CCDC85C: variants seen among roughly 807,000 people sequenced by gnomAD.
The protein encoded by CCDC85C is coiled-coil domain containing 85C.
Under a neutral mutation model 38.3 loss-of-function variants are expected in CCDC85C, and 18 were observed. The observed-to-expected ratio is 0.47, with a 90% CI of 0.33 to 0.70. The LOEUF (loss-of-function observed/expected upper bound fraction) is 0.70, where lower values mean the gene tolerates loss of function less well. CCDC85C is among the 30% of genes least tolerant of loss of function. The pLI is 0.03. For missense variants in CCDC85C, 566 were observed against 621.2 expected, an observed-to-expected ratio of 0.91 and a Z score of 0.94; for synonymous variants, 264 against 293.8, an observed-to-expected ratio of 0.90 and a Z score of 1.04.
chr14:99,571,399 T>A (rs1011827064), intron 1 of CCDC85C, among the ~76,000 whole-genome samples: 6 of 152,020 alleles, frequency 3.9e-5, no homozygotes, highest in African/African-American at 1.5e-4. Context: ...ACCCCCCAGC[T>A]CCAGCTGCTG....
At chr14:99,546,211 G>C (rs1172188432) in intron 1 of CCDC85C, among the ~76,000 whole-genome samples, 1 of 151,992 alleles carries the variant, frequency 6.6e-6, no homozygotes, top group Non-Finnish European at 1.5e-5. Flanking sequence ...CGAGTGCCAG[G>C]CTCTGTGGGA....
chr14:99,539,469 CAAA>C (rs5810957), intron 1 of CCDC85C, among the ~76,000 whole-genome samples: 21 of 108,470 alleles, frequency 1.9e-4, no homozygotes, highest in Admixed American at 3.0e-4. Context: ...GACTCCATCT[CAAA>C]AAAAAAAAAA....
chr14:99,599,167 G>A (rs112141514), intron 1 of CCDC85C, among the ~76,000 whole-genome samples: 43 of 152,174 alleles, frequency 2.8e-4, no homozygotes, highest in African/African-American at 9.9e-4. Flanking sequence ...AGACCACCCC[G>A]TTCCATCCTC....
intron 1 of CCDC85C, among the ~76,000 whole-genome samples, chr14:99,601,622 C>T (rs1346004270): frequency 4.6e-5 from 7 of 152,154 alleles, no homozygotes; most frequent in Non-Finnish European, 7.4e-5. Flanking sequence ...TAACTGACCC[C>T]TCAAAAGCCC....
Position 99,510,310 on chromosome 14 carries a change from C to A in CCDC85C, c.*4936G>T. ...CTGCCACACCGGCCCCCGCCCCCAC[C>A]CCCCTCCAGCTACATGACCGGGATG... is the stretch of plus-strand genomic sequence containing the variant. On this transcript the variant is annotated 3_prime_UTR_variant, in exon 6 of 6. Transcript: ENST00000380243. The A allele has an allele frequency of 6.4e-7, 1 of 1,559,786 alleles. No homozygotes were observed. The highest frequency in any genetic ancestry group is 8.8e-7 in the Non-Finnish European group (1 of 1,141,166).
rs1364625000 is a variant in CCDC85C, at chr14:99,516,232, C to T, written c.1126G>A (p.Asp376Asn). 2.6e-6 allele frequency: 4 copies of T among 1,551,344 alleles called. No homozygotes were observed. Among genetic ancestry groups the T allele is most frequent in the African/African-American group, 2.7e-5 (2 of 73,168 alleles). ...ATGGCCTTCTCCTTCTCACTCAGGT[C>T]CTCCTCACAGCTGTCCTGGAGCTGC... Reference protein sequence around the residue: ...DRQLQDSCEEDLSEKEKAIVR... With the variant: ...DRQLQDSCEENLSEKEKAIVR... The change falls in exon 5 of 6, where the codon GAC becomes AAC. Residue 376 changes from aspartate to asparagine, a missense_variant. Physicochemically the swap from Asp to Asn is conservative, Grantham distance 23. Coordinates refer to ENST00000380243, the MANE Select transcript of CCDC85C (RefSeq NM_001144995.2). The surrounding 1 kb of genome is among the most constrained non-coding windows in gnomAD (Gnocchi z 5.5).
chr14:99,561,122 T>TG (rs942412058), intron 1 of CCDC85C, among the ~76,000 whole-genome samples: 47 of 152,230 alleles, frequency 3.1e-4, no homozygotes, highest in African/African-American at 9.6e-4. Context: ...ACTACGTGCA[T>TG]GGGGGGGTGC....
At chr14:99,586,397 G>A (rs910454382) in intron 1 of CCDC85C, among the ~76,000 whole-genome samples, 4 of 152,238 alleles carry the variant, frequency 2.6e-5, no homozygotes, top group Non-Finnish European at 5.9e-5. Flanking sequence ...GCATGGAAAA[G>A]GTCCAGGGTG....
Position 99,603,956 on chromosome 14 carries a change from C to T in CCDC85C, c.4G>A (p.Ala2Thr). ...GCCGCCGCCGTCGCCGCGGGCTTAG[C>T]CATGGCGGGGCCGTCACCGCGGCAT... MAKPAATAAAAS... is the reference protein window; with the variant it reads MTKPAATAAAAS... The change falls in exon 1 of 6, where the codon GCT becomes ACT. Residue 2 changes from alanine to threonine, a missense_variant. This residue lies in a region of CCDC85C where 269 missense variants were observed against 308.2 expected (regional missense o/e 0.87). Transcript: ENST00000380243. The surrounding 1 kb of genome is among the most constrained non-coding windows in gnomAD (Gnocchi z 7.5). 1 of 1,355,738 alleles carries T rather than the reference C, an allele frequency of 7.4e-7. No individual in the cohort carries two copies. The highest frequency in any genetic ancestry group is 1.8e-5 in the South Asian group (1 of 56,206). The allele number at this position is 1,355,738 out of a possible 1,614,324, so 84.0% of individuals were successfully genotyped here.
At chr14:99,570,522 C>G (rs371886834) in intron 1 of CCDC85C, among the ~76,000 whole-genome samples, 1 of 152,070 alleles carries the variant, frequency 6.6e-6, no homozygotes, top group Admixed American at 6.5e-5. Context: ...GGCAGGGGCT[C>G]GGGGCTGGGC....
intron 1 of CCDC85C, among the ~76,000 whole-genome samples, chr14:99,564,353 C>T (rs1439001343): frequency 6.6e-6 from 1 of 152,206 alleles, no homozygotes; most frequent in Non-Finnish European, 1.5e-5. Flanking sequence ...GAGAAGCCAG[C>T]AGCAGCAGGG....
chr14:99,500,993 C>A lies in CCDC85C; in HGVS notation c.*14253G>T. ...AGTTTGATGTGTGAAATACCAAGGG[C>A]ATGGCTTGCTCAGTCAATTCAGCAT... On this transcript the variant is annotated 3_prime_UTR_variant, in exon 6 of 6. Coordinates refer to ENST00000380243, the MANE Select transcript of CCDC85C (RefSeq NM_001144995.2). 1.5e-6 allele frequency: 1 copy of A among 680,284 alleles called. No individual in the cohort carries two copies. The highest frequency in any genetic ancestry group is 2.6e-6 in the Non-Finnish European group (1 of 387,074). 42.1% of individuals were successfully genotyped at this position (680,284 alleles called of 1,614,324 possible). A position where few individuals can be genotyped will look rare whatever the true frequency, so the allele number is the denominator to read the frequency against.
Position 99,577,172 on chromosome 14 carries a change from C to G in CCDC85C, c.793+25995G>C, listed in dbSNP as rs1269436448. Among the ~76,000 whole-genome samples, 5 of 151,968 alleles carry G rather than the reference C, an allele frequency of 3.3e-5. No homozygotes were observed. The East Asian group carries it at 9.8e-4, about 30-fold the overall frequency. On this transcript the variant is annotated intron_variant, in intron 1 of 5. Transcript: ENST00000380243. ...GTCGGCATCTTACTCCTCACTCCCC[C>G]TTCCCAGGCAGCCCTGCCCACGGTG...
At chr14:99,524,523 G>A (rs1248300365) in intron 2 of CCDC85C, among the ~76,000 whole-genome samples, 2 of 152,124 alleles carry the variant, frequency 1.3e-5, no homozygotes, top group Non-Finnish European at 2.9e-5. Context: ...CCTTGCCTTC[G>A]GTGAGCCTCT....
At chr14:99,575,393 C>A (rs1898452718) in intron 1 of CCDC85C, among the ~76,000 whole-genome samples, 1 of 152,166 alleles carries the variant, frequency 6.6e-6, no homozygotes, top group Non-Finnish European at 1.5e-5. Context: ...GGCACCAGCG[C>A]CCAGCAATCA....
rs186244626 is a variant in CCDC85C, at chr14:99,548,733, C to G, written c.794-12645G>C. ...GTACTCGGGAGACCGAGGCGGGAGG[C>G]GTGCTGGAGCTCAGGAGTGTGAGTC... On this transcript the variant is annotated intron_variant, in intron 1 of 5. Transcript: ENST00000380243. This position sits in a 1 kb window ranked among gnomAD's most constrained non-coding sequence, Gnocchi z 4.9. Among the ~76,000 whole-genome samples the G allele has an allele frequency of 6.6e-6, 1 of 152,060 alleles. No homozygotes were observed. The highest frequency in any genetic ancestry group is 2.4e-5 in the African/African-American group (1 of 41,396).
In CCDC85C at chr14:99,516,315, G is replaced by A; in HGVS notation, c.1072-29C>T. ...AAGGGAACGGGTCTCGGGGTCAGGG[G>A]CAGAGGCCACCGGCAGACCTCGGGC... On this transcript the variant is annotated intron_variant, in intron 4 of 5. Transcript: ENST00000380243. The surrounding 1 kb of genome is among the most constrained non-coding windows in gnomAD (Gnocchi z 5.5). 6.6e-7 allele frequency: 1 copy of A among 1,506,234 alleles called. No homozygotes were observed. The highest frequency in any genetic ancestry group is 9.0e-7 in the Non-Finnish European group (1 of 1,106,906). The allele number at this position is 1,506,234 out of a possible 1,614,324, so 93.3% of individuals were successfully genotyped here.
intron 1 of CCDC85C, among the ~76,000 whole-genome samples, chr14:99,549,023 C>A (rs1037088680): frequency 5.9e-5 from 9 of 152,142 alleles, no homozygotes; most frequent in Non-Finnish European, 1.0e-4. Context: ...GGCCTCAGCT[C>A]TCCCTGGGAA....
rs1275157170 is a variant in CCDC85C at position 99,558,046 on chromosome 14, A to G, written c.794-21958T>C. Among the ~76,000 whole-genome samples the G allele has an allele frequency of 6.6e-6, 1 of 152,244 alleles. No individual in the cohort carries two copies. Among genetic ancestry groups the G allele is most frequent in the Non-Finnish European group, 1.5e-5 (1 of 68,036 alleles). On this transcript the variant is annotated intron_variant, in intron 1 of 5. Coordinates refer to ENST00000380243, the MANE Select transcript of CCDC85C (RefSeq NM_001144995.2). This position sits in a 1 kb window ranked among gnomAD's most constrained non-coding sequence, Gnocchi z 4.2. ...TGTGCAGCTTAATCTTAGGGGAAAAAAATATCAACCAGGTCTACTTCAGTG... is the reference window on the plus strand; with the variant it reads ...TGTGCAGCTTAATCTTAGGGGAAAAGAATATCAACCAGGTCTACTTCAGTG...
Sources: gnomAD v4.1 joint callset for allele counts (sites outside exome capture counted in the v4.1 genomes callset) on GRCh38, gnomAD v4.1.1 for gene constraint, gnomAD v4.1.1 regional missense constraint, Gnocchi (gnomAD v3.1) non-coding constraint, MANE v1.5 for transcripts, NCBI Gene and HGNC (gene_info 2026-07-23, HGNC 2026-07-21) for gene names.